KCNK13: variants seen among roughly 807,000 people sequenced by gnomAD.
The protein encoded by KCNK13 is potassium channel subfamily K member 13.
KCNK13 carries 12 observed loss-of-function variants against 23.4 expected under a neutral mutation model. That is an observed-to-expected ratio of 0.51 (90% CI 0.33 to 0.83). KCNK13 has a LOEUF of 0.83. KCNK13 is among the 40% of genes least tolerant of loss of function. KCNK13 has a pLI of 0.02. For missense variants in KCNK13, 463 were observed against 556.3 expected, an observed-to-expected ratio of 0.83 and a Z score of 1.69; for synonymous variants, 231 against 229.5, an observed-to-expected ratio of 1.01 and a Z score of -0.06.
chr14:90,126,451 A>G (rs1889801452), intron 1 of KCNK13, among the ~76,000 whole-genome samples: 3 of 151,728 alleles, frequency 2.0e-5, no homozygotes, highest in African/African-American at 7.3e-5. Flanking sequence ...ATGTGACGTG[A>G]CGTGACGTGA....
At chr14:90,129,024 A>T (rs867058506) in intron 1 of KCNK13, among the ~76,000 whole-genome samples, 2 of 152,064 alleles carry the variant, frequency 1.3e-5, no homozygotes, top group Non-Finnish European at 2.9e-5. Context: ...CAAAATTTAT[A>T]CTTTTATCAC....
At chr14:90,155,892 G>A (rs776388313) in intron 1 of KCNK13, among the ~76,000 whole-genome samples, 43 of 152,130 alleles carry the variant, frequency 2.8e-4, no homozygotes, top group Non-Finnish European at 4.4e-4. Context: ...GGCAGAATGA[G>A]TTCAAACTAG....
intron 1 of KCNK13, among the ~76,000 whole-genome samples, chr14:90,183,753 G>T (rs1039381770): frequency 1.3e-5 from 2 of 152,164 alleles, no homozygotes; most frequent in Non-Finnish European, 2.9e-5. Flanking sequence ...TGTTGAGTAT[G>T]GTTGTTCAGG....
chr14:90,124,800 T>C (rs1889777594), intron 1 of KCNK13, among the ~76,000 whole-genome samples: 1 of 152,240 alleles, frequency 6.6e-6, no homozygotes, highest in Non-Finnish European at 1.5e-5. Flanking sequence ...GTTGTGGTCA[T>C]TTGTTGCAGC....
chr14:90,158,899 G>A (rs969984586), intron 1 of KCNK13, among the ~76,000 whole-genome samples: 4 of 152,214 alleles, frequency 2.6e-5, no homozygotes, highest in African/African-American at 9.6e-5. Flanking sequence ...AGGCTTGTGG[G>A]AGTCTGTGGG....
At chr14:90,128,747 C>T (rs558824891) in intron 1 of KCNK13, among the ~76,000 whole-genome samples, 3 of 152,190 alleles carry the variant, frequency 2.0e-5, no homozygotes, top group South Asian at 2.1e-4. Flanking sequence ...CAGCATTCTC[C>T]GAATTGAGCA....
intron 1 of KCNK13, among the ~76,000 whole-genome samples, chr14:90,165,463 A>G (rs1566650121): frequency 6.6e-6 from 1 of 152,184 alleles, no homozygotes; most frequent in Non-Finnish European, 1.5e-5. Context: ...AGGTCCATCA[A>G]AATAAAGACA....
At chr14:90,106,664 A>G (rs528015419) in intron 1 of KCNK13, among the ~76,000 whole-genome samples, 7 of 152,200 alleles carry the variant, frequency 4.6e-5, no homozygotes, top group Non-Finnish European at 8.8e-5. Context: ...AACTATACAT[A>G]TATTTTAGAA....
chr14:90,129,598 A>G (rs1889843505), intron 1 of KCNK13, among the ~76,000 whole-genome samples: 1 of 152,142 alleles, frequency 6.6e-6, no homozygotes, highest in Non-Finnish European at 1.5e-5. Context: ...CCTGCTTCAC[A>G]TTATAAAATA....
intron 1 of KCNK13, among the ~76,000 whole-genome samples, chr14:90,157,916 G>T (rs1366921053): frequency 6.6e-6 from 1 of 152,126 alleles, no homozygotes; most frequent in East Asian, 1.9e-4. Context: ...GGCCAGGCTG[G>T]TCTCGAGCTC....
chr14:90,169,428 C>A (rs1422393562), intron 1 of KCNK13, among the ~76,000 whole-genome samples: 1 of 152,208 alleles, frequency 6.6e-6, no homozygotes, highest in Non-Finnish European at 1.5e-5. Flanking sequence ...ACCTCCTCTC[C>A]TTGCTGTCAA....
rs182842437 is a variant in KCNK13 at position 90,175,874 on chromosome 14, G to A, written c.335-8237G>A. On this transcript the variant is annotated intron_variant, in intron 1 of 1. Transcript: ENST00000282146. Reference sequence around the variant, plus strand: ...CTGGCACTAGGAATCCAGTCATCTAGGAATGGCTGGGCCTGTCTCTCCAGC... The same window carrying A: ...CTGGCACTAGGAATCCAGTCATCTAAGAATGGCTGGGCCTGTCTCTCCAGC... Among the ~76,000 whole-genome samples the A allele has an allele frequency of 5.3e-5, 8 of 152,314 alleles. No homozygotes were observed. The East Asian group carries it at 1.2e-3, about 22-fold the overall frequency.
intron 1 of KCNK13, among the ~76,000 whole-genome samples, chr14:90,140,699 G>A (rs1242307671): frequency 1.3e-5 from 2 of 152,154 alleles, no homozygotes; most frequent in African/African-American, 4.8e-5. Flanking sequence ...TAGAGTTTGC[G>A]GGTTAAGGAT....
intron 1 of KCNK13, among the ~76,000 whole-genome samples, chr14:90,109,478 G>A (rs1889588613): frequency 7.1e-6 from 1 of 140,964 alleles, no homozygotes; most frequent in Non-Finnish European, 1.5e-5. Flanking sequence ...GTGTGATCTC[G>A]GCTCACTGCA....
At chr14:90,177,550 G>A (rs911433222) in intron 1 of KCNK13, among the ~76,000 whole-genome samples, 2 of 152,158 alleles carry the variant, frequency 1.3e-5, no homozygotes, top group African/African-American at 4.8e-5. Flanking sequence ...TTGGTTTTCG[G>A]AGTATGCATG....
chr14:90,069,097 C>T (rs1032299905), intron 1 of KCNK13, among the ~76,000 whole-genome samples: 4 of 131,022 alleles, frequency 3.1e-5, no homozygotes, highest in African/African-American at 9.0e-5. Context: ...AGTGCAGTGG[C>T]GCGATCTTGG....
intron 1 of KCNK13, among the ~76,000 whole-genome samples, chr14:90,139,901 G>A (rs891108210): frequency 4.6e-5 from 7 of 152,166 alleles, no homozygotes; most frequent in African/African-American, 1.7e-4. Context: ...GCTGGAGGTT[G>A]CAGTGACCCG....
chr14:90,095,035 A>G (rs184324004), intron 1 of KCNK13, among the ~76,000 whole-genome samples: 4 of 152,330 alleles, frequency 2.6e-5, no homozygotes, highest in African/African-American at 9.6e-5. Context: ...TGGTGAAAGC[A>G]TTTAAAATAA....
At chr14:90,167,579 C>T (rs1890317599) in intron 1 of KCNK13, among the ~76,000 whole-genome samples, 1 of 152,142 alleles carries the variant, frequency 6.6e-6, no homozygotes, top group Non-Finnish European at 1.5e-5. Flanking sequence ...TAAACAAGTT[C>T]CTCAGATGGT....
Sources: allele counts gnomAD v4.1 joint callset (sites outside exome capture counted in the v4.1 genomes callset), GRCh38; gene constraint gnomAD v4.1.1; transcripts MANE v1.5; gene names NCBI Gene and HGNC (gene_info 2026-07-23, HGNC 2026-07-21).